Variants in ZNG1F observed in about 807,000 individuals in gnomAD.
ZNG1F encodes the protein Zn regulated GTPase metalloprotein activator 1F.
chr9:41,180,187 T>TTC, the ZNG1F span, among the ~76,000 whole-genome samples: 1 of 106,810 alleles, frequency 9.4e-6, no homozygotes, highest in Non-Finnish European at 1.9e-5. Flanking sequence ...TTTTTTTTTT[T>TTC]TTTTAAGAAA....
At chr9:41,132,096 T>C in the ZNG1F span, 1 of 1,549,400 alleles carries the variant, frequency 6.5e-7, no homozygotes, top group Middle Eastern at 2.4e-4. Flanking sequence ...GTGACAAAGA[T>C]GAAACATTGA....
At chr9:41,187,576 T>C in the ZNG1F span, among the ~76,000 whole-genome samples, 1 of 149,606 alleles carries the variant, frequency 6.7e-6, no homozygotes. Context: ...CGCAGTCAGA[T>C]TGACATTTAT....
the ZNG1F span, among the ~76,000 whole-genome samples, chr9:41,152,443 T>C: frequency 8.9e-4 from 130 of 146,232 alleles, no homozygotes; most frequent in African/African-American, 3.1e-3. Flanking sequence ...GACAGATCAA[T>C]GAGACAGAAA....
chr9:41,203,284 A>T, the ZNG1F span, among the ~76,000 whole-genome samples: 1 of 152,166 alleles, frequency 6.6e-6, no homozygotes, highest in Non-Finnish European at 1.5e-5. Flanking sequence ...TTTTCATCAT[A>T]CTCTAGCTCA....
chr9:41,166,297 C>T, the ZNG1F span, among the ~76,000 whole-genome samples: 7 of 129,096 alleles, frequency 5.4e-5, 1 homozygote, highest in Non-Finnish European at 6.5e-5. Flanking sequence ...GGCATGGTGG[C>T]GGGTGCCTGT....
At chr9:41,200,726 G>T in the ZNG1F span, among the ~76,000 whole-genome samples, 3 of 152,350 alleles carry the variant, frequency 2.0e-5, no homozygotes, top group South Asian at 2.1e-4. Context: ...GTTCCACATG[G>T]CTGGGGAGGC....
At chr9:41,200,746 A>C in the ZNG1F span, among the ~76,000 whole-genome samples, 1 of 152,234 alleles carries the variant, frequency 6.6e-6, no homozygotes, top group Non-Finnish European at 1.5e-5. Context: ...CCTCACAATC[A>C]TGGCGGAAGG....
At chr9:41,185,715 T>A in the ZNG1F span, among the ~76,000 whole-genome samples, 4 of 148,850 alleles carry the variant, frequency 2.7e-5, no homozygotes, top group Non-Finnish European at 4.5e-5. Flanking sequence ...TTTTCATATG[T>A]CTAGATTTTT....
At chr9:41,157,206 A>C in the ZNG1F span, 1 of 146,938 alleles carries the variant, frequency 6.8e-6, no homozygotes, top group Non-Finnish European at 1.5e-5. Context: ...TCACGCCTGC[A>C]ATCCCAGCAC....
chr9:41,178,022 T>C, the ZNG1F span: 9 of 115,326 alleles, frequency 7.8e-5, no homozygotes, highest in South Asian at 2.0e-3. Flanking sequence ...CCAATTAATA[T>C]CCTACAATGG....
At chr9:41,149,667 C>T in the ZNG1F span, among the ~76,000 whole-genome samples, 1 of 149,990 alleles carries the variant, frequency 6.7e-6, no homozygotes, top group East Asian at 2.0e-4. Context: ...ATGCCAGGGG[C>T]TATGAAGACA....
chr9:41,203,184 G>C, the ZNG1F span, among the ~76,000 whole-genome samples: 1 of 152,216 alleles, frequency 6.6e-6, no homozygotes, highest in Admixed American at 6.6e-5. Context: ...TTTGTCAGCA[G>C]GGTTCTGCCA....
chr9:41,183,559 C>T, the ZNG1F span: 3 of 1,589,402 alleles, frequency 1.9e-6, no homozygotes, highest in Non-Finnish European at 2.6e-6. Flanking sequence ...AAACACATTC[C>T]TCACTTCACT....
At chr9:41,185,226 G>A in the ZNG1F span, among the ~76,000 whole-genome samples, 3 of 138,408 alleles carry the variant, frequency 2.2e-5, no homozygotes, top group Non-Finnish European at 4.7e-5. Context: ...TGAGGATAAA[G>A]ACCATATGTT....
the ZNG1F span, among the ~76,000 whole-genome samples, chr9:41,159,135 T>C: frequency 1.3e-5 from 2 of 150,286 alleles, no homozygotes; most frequent in Non-Finnish European, 3.0e-5. Context: ...TCGGTGGGGG[T>C]GGAATTGCAG....
the ZNG1F span, among the ~76,000 whole-genome samples, chr9:41,149,629 A>G: frequency 6.7e-6 from 1 of 149,424 alleles, no homozygotes; most frequent in South Asian, 2.2e-4. Context: ...AAAATAGTCA[A>G]CCCCACAGAA....
At chr9:41,195,499 A>G in the ZNG1F span, among the ~76,000 whole-genome samples, 1 of 125,664 alleles carries the variant, frequency 8.0e-6, no homozygotes, top group Admixed American at 9.2e-5. Flanking sequence ...AAAGGCTGTA[A>G]GTAACATTGT....
At chr9:41,176,810 AG>A in the ZNG1F span, 1 of 147,420 alleles carries the variant, frequency 6.8e-6, no homozygotes, top group East Asian at 2.0e-4. Context: ...GGGAATAAAA[AG>A]CAAGAAAGAA....
At chr9:41,183,789 TTC>T in the ZNG1F span, 1 of 1,504,552 alleles carries the variant, frequency 6.6e-7, no homozygotes, top group Non-Finnish European at 9.0e-7. Flanking sequence ...ATAACTTATA[TTC>T]TTTCACTTTA....
Sources: allele counts gnomAD v4.1 joint callset (sites outside exome capture counted in the v4.1 genomes callset), GRCh38; gene constraint gnomAD v4.1.1; transcripts MANE v1.5; gene names NCBI Gene and HGNC (gene_info 2026-07-23, HGNC 2026-07-21).